SLC29A3: variants seen among roughly 807,000 people sequenced by gnomAD.
SLC29A3 encodes the protein solute carrier family 29 member 3, also known as equilibrative nucleoside transporter 3.
A neutral mutation model predicts 25.4 loss-of-function variants in SLC29A3; 18 were observed. The observed-to-expected ratio is 0.71, with a 90% CI of 0.49 to 1.05. The LOEUF (loss-of-function observed/expected upper bound fraction) is 1.05. Ranked by LOEUF, SLC29A3 falls within the 50% of genes least tolerant of loss-of-function variation. The pLI, the probability that SLC29A3 is intolerant of heterozygous loss-of-function variation, is 0.00. For synonymous variants in SLC29A3, 258 were observed against 267.1 expected (o/e 0.97, Z 0.33); for missense variants, 586 against 609.0 (o/e 0.96, Z 0.40).
chr10:71,329,462 A>G (rs1355992181), intron 2 of SLC29A3, among the ~76,000 whole-genome samples: 1 of 151,888 alleles, frequency 6.6e-6, no homozygotes, highest in African/African-American at 2.4e-5. Flanking sequence ...TGTCTCAAAA[A>G]AAAAAAAAAA....
intron 4 of SLC29A3, among the ~76,000 whole-genome samples, chr10:71,377,626 A>C (rs114021798): frequency 0.02 from 3,043 of 152,288 alleles, 61 homozygotes; most frequent in South Asian, 0.038. Flanking sequence ...ACTGGCAAGA[A>C]AGCCCTAGAG....
At chr10:71,337,431 A>C (rs1299323410) in intron 2 of SLC29A3, among the ~76,000 whole-genome samples, 2 of 152,218 alleles carry the variant, frequency 1.3e-5, no homozygotes, top group Admixed American at 1.3e-4. Context: ...CTTGGCTCCA[A>C]CCTGCTCGCT....
In SLC29A3 at chr10:71,322,947, C is replaced by G; in HGVS notation, c.193C>G (p.Leu65Val). 6.2e-7 allele frequency: 1 copy of G among 1,614,168 alleles called. No individual in the cohort carries two copies. The highest frequency in any genetic ancestry group is 8.5e-7 in the Non-Finnish European group (1 of 1,180,016). Residue 65 changes from leucine to valine, a missense_variant, in exon 2 of 6, where the codon CTA (leucine) becomes GTA (valine). By Grantham distance (32) the Leu-to-Val change is conservative. Coordinates refer to ENST00000373189, the MANE Select transcript of SLC29A3 (RefSeq NM_018344.6). ...IIFFSLGIGSLLPWNFFITAK... is the reference protein window; with the variant it reads ...IIFFSLGIGSVLPWNFFITAK... ...CTTCTTCAGCCTGGGCATTGGCAGT[C>G]TACTGCCATGGAACTTCTTTATCAC...
intron 1 of SLC29A3, 74 bp downstream of exon 1, chr10:71,319,384 T>C (rs1845793029): frequency 1.7e-6 from 1 of 587,076 alleles, no homozygotes; most frequent in Non-Finnish European, 3.0e-6. Flanking sequence ...GCGACCTCCC[T>C]CCCGGGCCCT....
chr10:71,353,996 T>A (rs1846830244), intron 4 of SLC29A3, among the ~76,000 whole-genome samples: 1 of 152,170 alleles, frequency 6.6e-6, no homozygotes, highest in Non-Finnish European at 1.5e-5. Flanking sequence ...GGGAGTGTCT[T>A]ACTGAGTTTA....
rs191640919 is a variant in SLC29A3, at chr10:71,338,039, C to A, written c.301-6170C>A. On this transcript the variant is annotated intron_variant, in intron 2 of 5. Transcript: ENST00000373189. ...GCCCAGGCCAGCAGTGGCTCATCCA[C>A]ATTCACCCACCATATGGGGGTACCC... Among the ~76,000 whole-genome samples, 356 of 152,388 alleles carry A rather than the reference C, an allele frequency of 2.3e-3. 3 individuals carry two copies. Among genetic ancestry groups the A allele is most frequent in the African/African-American group, 8.4e-3 (348 of 41,596 alleles).
At chr10:71,337,971 T>C (rs1199690363) in intron 2 of SLC29A3, among the ~76,000 whole-genome samples, 2 of 152,244 alleles carry the variant, frequency 1.3e-5, no homozygotes, top group Admixed American at 6.5e-5. Context: ...CAAATGGAAA[T>C]GAGTTTCCTT....
At position 71,362,381 on chromosome 10, in the gene SLC29A3, C is replaced by G. The variant is rs746998307; in HGVS notation, c.1201C>G (p.Arg401Gly). The change falls in exon 6 of 6, where the codon CGC becomes GGC. Residue 401 changes from arginine to glycine, a missense_variant. Coordinates refer to ENST00000373189, the MANE Select transcript of SLC29A3 (RefSeq NM_018344.6). The part of the protein sequence containing the change: ...PLFVLCNYQP[R>G]VHLKTVVFQS... ...CTTCGTGCTCTGTAACTACCAGCCC[C>G]GCGTCCACCTGAAGACTGTGGTCTT... 6.2e-7 allele frequency: 1 copy of G among 1,614,186 alleles called. No homozygotes were observed. Among genetic ancestry groups the G allele is most frequent in the Non-Finnish European group, 8.5e-7 (1 of 1,180,044 alleles).
Position 71,322,108 on chromosome 10 carries a change from A to T in SLC29A3, c.2-648A>T, listed in dbSNP as rs78041015. 4.0e-3 allele frequency among the ~76,000 whole-genome samples: 615 copies of T among 152,302 alleles called. 21 individuals are homozygous for T. The East Asian group carries it at 0.076, about 19-fold the overall frequency. On this transcript the variant is annotated intron_variant, in intron 1 of 5. Coordinates refer to ENST00000373189, the MANE Select transcript of SLC29A3 (RefSeq NM_018344.6). ...ATAGTTCAAAATTCAAGAGACACAA[A>T]TAAGAATGCAGGGAAGTCCCCCTCC...
chr10:71,333,594 C>T (rs1437097744), intron 2 of SLC29A3, among the ~76,000 whole-genome samples: 1 of 152,270 alleles, frequency 6.6e-6, no homozygotes, highest in African/African-American at 2.4e-5. Flanking sequence ...GGCCACAGGG[C>T]ATGGCCCTTG....
chr10:71,361,672 G>T (rs1178892360), intron 5 of SLC29A3, among the ~76,000 whole-genome samples: 1 of 152,194 alleles, frequency 6.6e-6, no homozygotes. Flanking sequence ...GGTGAGCCAG[G>T]ACAGGGGCCC....
At position 71,358,393 on chromosome 10, in the gene SLC29A3, G is replaced by T. The variant is rs181275347; in HGVS notation, c.773+2150G>T. Among the ~76,000 whole-genome samples the T allele has an allele frequency of 1.9e-4, 29 of 152,282 alleles. No individual in the cohort carries two copies. In the East Asian group the frequency reaches 5.0e-3, roughly 26 times the overall value. On this transcript the variant is annotated intron_variant, in intron 5 of 5. Coordinates refer to ENST00000373189, the MANE Select transcript of SLC29A3 (RefSeq NM_018344.6). ...CTCAGGGTTCTGAGGATAGGAGGGG[G>T]CTGATCTGCTTGAGCTATGCAGTAT...
rs148003964 is a variant in SLC29A3 at position 71,362,422 on chromosome 10, C to T, written c.1242C>T (p.Tyr414=). The T allele has an allele frequency of 1.2e-6, 2 of 1,614,208 alleles. No individual in the cohort carries two copies. Among genetic ancestry groups the T allele is most frequent in the Non-Finnish European group, 1.7e-6 (2 of 1,180,048 alleles). The part of the protein sequence containing the change: ...LKTVVFQSDV[Y]PALLSSLLGL... ...CTGTGGTCTTCCAGTCCGATGTGTA[C>T]CCCGCACTCCTCAGCTCCCTGCTGG... is the stretch of plus-strand genomic sequence containing the variant. Residue 414 remains tyrosine, a synonymous_variant, in exon 6 of 6, where the codon TAC becomes TAT. Coordinates refer to ENST00000373189, the MANE Select transcript of SLC29A3 (RefSeq NM_018344.6).
At chr10:71,367,415 A>G (rs1053800247), downstream of SLC29A3, among the ~76,000 whole-genome samples, 1 of 152,116 alleles carries the variant, frequency 6.6e-6, no homozygotes, top group African/African-American at 2.4e-5. Flanking sequence ...TCATTTCCTC[A>G]TCTGTAAAAT....
chr10:71,334,855 T>C (rs1274488866), intron 2 of SLC29A3, among the ~76,000 whole-genome samples: 1 of 152,118 alleles, frequency 6.6e-6, no homozygotes, highest in Admixed American at 6.6e-5. Flanking sequence ...GTTCCCTCTG[T>C]CCAGGCTCTA....
intron 2 of SLC29A3, among the ~76,000 whole-genome samples, chr10:71,327,993 T>G: frequency 6.6e-6 from 1 of 152,142 alleles, no homozygotes; most frequent in South Asian, 2.1e-4. Flanking sequence ...AACAAAACAG[T>G]GAGCTGGACA....
intron 3 of SLC29A3, among the ~76,000 whole-genome samples, chr10:71,344,794 C>T (rs1000411397): frequency 2.6e-5 from 4 of 152,218 alleles, no homozygotes; most frequent in Non-Finnish European, 5.9e-5. Flanking sequence ...TTAGCATGTC[C>T]ATAGACCCCC....
At chr10:71,326,749 G>T (rs753183102) in intron 2 of SLC29A3, among the ~76,000 whole-genome samples, 1 of 152,214 alleles carries the variant, frequency 6.6e-6, no homozygotes, top group Non-Finnish European at 1.5e-5. Flanking sequence ...TTGGCATTCT[G>T]AGCCCTGCTA....
intron 2 of SLC29A3, among the ~76,000 whole-genome samples, chr10:71,333,538 C>T (rs779708388): frequency 2.6e-5 from 4 of 152,246 alleles, no homozygotes; most frequent in Non-Finnish European, 4.4e-5. Context: ...TTTTCTACTA[C>T]AGAGAGAGGC....
Sources: gnomAD v4.1 joint callset for allele counts (sites outside exome capture counted in the v4.1 genomes callset) on GRCh38, gnomAD v4.1.1 for gene constraint, MANE v1.5 for transcripts, NCBI Gene and HGNC (gene_info 2026-07-23, HGNC 2026-07-21) for gene names.